Variants in SNAPC1 observed in about 807,000 individuals in gnomAD.
SNAPC1 encodes the protein snRNA-activating protein complex subunit 1.
In SNAPC1, 42 loss-of-function variants were observed where a neutral mutation model predicts 50.1. The ratio of observed to expected loss-of-function variants is 0.84; its 90% CI spans 0.65 to 1.08. The LOEUF (loss-of-function observed/expected upper bound fraction) is 1.08, where lower values mean the gene tolerates loss of function less well. Ranked by LOEUF, SNAPC1 falls within the 50% of genes least tolerant of loss-of-function variation. The pLI, the probability that SNAPC1 is intolerant of heterozygous loss-of-function variation, is 0.00. For synonymous variants in SNAPC1, 164 were observed against 144.2 expected (o/e 1.14, Z -0.98); for missense variants, 477 against 427.3 (o/e 1.12, Z -1.02).
intron 3 of SNAPC1, 111 bp from the exon 4 acceptor site, chr14:61,768,525 G>A (rs2044965134): frequency 1.7e-6 from 1 of 595,048 alleles, no homozygotes; most frequent in African/African-American, 1.9e-5. Flanking sequence ...AGCTGGTTTT[G>A]TTTTATCTGT....
At chr14:61,788,639 ATTATT>A (rs2045131245) in intron 8 of SNAPC1, among the ~76,000 whole-genome samples, 1 of 152,190 alleles carries the variant, frequency 6.6e-6, no homozygotes, top group Non-Finnish European at 1.5e-5. Flanking sequence ...TGATTTTTAT[ATTATT>A]TGATAAAGAT....
chr14:61,791,111 A>G (rs1412186662), intron 8 of SNAPC1, among the ~76,000 whole-genome samples: 4 of 152,138 alleles, frequency 2.6e-5, no homozygotes, highest in Non-Finnish European at 5.9e-5. Flanking sequence ...TCCTGGGTTC[A>G]AGCAATTCTC....
chr14:61,790,399 G>A (rs1408917200), intron 8 of SNAPC1, among the ~76,000 whole-genome samples: 2 of 152,056 alleles, frequency 1.3e-5, no homozygotes, highest in African/African-American at 4.8e-5. Flanking sequence ...GCAGTGGCAC[G>A]ATCTCGGCTC....
In SNAPC1 at chr14:61,778,065, C is replaced by G; in HGVS notation, c.694-7C>G. ...TATGTGTGTATGTATCTTTTTTGCT[C>G]TTTTAGAATCCATCCTTAAAGTCAA... On this transcript the variant is annotated splice_polypyrimidine_tract_variant and splice_region_variant and intron_variant, in intron 5 of 9. Transcript: ENST00000216294. The G allele has an allele frequency of 1.3e-6, 2 of 1,532,824 alleles. No individual in the cohort carries two copies. Among genetic ancestry groups the G allele is most frequent in the Non-Finnish European group, 1.8e-6 (2 of 1,119,284 alleles). The allele number at this position is 1,532,824 out of a possible 1,614,324, so 95.0% of individuals were successfully genotyped here.
chr14:61,780,136 G>C (rs905411633), intron 7 of SNAPC1, among the ~76,000 whole-genome samples: 2 of 152,176 alleles, frequency 1.3e-5, no homozygotes, highest in African/African-American at 4.8e-5. Flanking sequence ...GTTATTTAGA[G>C]AGCAATCTTT....
intron 1 of SNAPC1, among the ~76,000 whole-genome samples, chr14:61,762,871 A>G (rs558257403): frequency 1.3e-5 from 2 of 151,428 alleles, no homozygotes; most frequent in East Asian, 2.0e-4. Flanking sequence ...CCAGGCCACT[A>G]TCATTTGCCC....
In SNAPC1 at chr14:61,762,425, C is replaced by CGT; in HGVS notation, c.-34_-33dup. ...CCACCGCTGGCTAGTCCGTTAGAGG[C>CGT]GTGCGGGCTTCGGAGGCGTGCGGGC... On this transcript the variant is annotated 5_prime_UTR_variant, in exon 1 of 10. Coordinates refer to ENST00000216294, the MANE Select transcript of SNAPC1 (RefSeq NM_003082.4). 6.2e-7 allele frequency: 1 copy of CGT among 1,604,146 alleles called. No homozygotes were observed. The highest frequency in any genetic ancestry group is 8.5e-7 in the Non-Finnish European group (1 of 1,177,284).
At chr14:61,791,234 A>G (rs139998146) in intron 8 of SNAPC1, among the ~76,000 whole-genome samples, 6,099 of 151,558 alleles carry the variant, frequency 0.04, 126 homozygotes, top group Middle Eastern at 0.068. Context: ...CTGGTCTCGA[A>G]CTCCTGACCT....
chr14:61,784,548 C>T (rs995881741), intron 8 of SNAPC1, among the ~76,000 whole-genome samples: 1 of 152,018 alleles, frequency 6.6e-6, no homozygotes, highest in Non-Finnish European at 1.5e-5. Flanking sequence ...TTTTGTGAGC[C>T]GTGTTTCTGT....
intron 1 of SNAPC1, among the ~76,000 whole-genome samples, chr14:61,764,074 A>G (rs1196762446): frequency 6.6e-6 from 1 of 152,118 alleles, no homozygotes; most frequent in Non-Finnish European, 1.5e-5. Flanking sequence ...AGCTGGGACT[A>G]CGGCTTGTGC....
chr14:61,785,096 A>G (rs1375708861), intron 8 of SNAPC1, among the ~76,000 whole-genome samples: 1 of 152,182 alleles, frequency 6.6e-6, no homozygotes, highest in African/African-American at 2.4e-5. Context: ...AAATGAATAA[A>G]TTTATTAAGA....
chr14:61,782,879 A>G (rs888076924), intron 8 of SNAPC1, among the ~76,000 whole-genome samples: 7 of 152,160 alleles, frequency 4.6e-5, no homozygotes, highest in African/African-American at 1.7e-4. Flanking sequence ...TCACTCCAGC[A>G]TAGGTGACAG....
At chr14:61,770,777 C>A (rs1006509702) in intron 4 of SNAPC1, among the ~76,000 whole-genome samples, 2 of 151,900 alleles carry the variant, frequency 1.3e-5, no homozygotes, top group African/African-American at 4.8e-5. Flanking sequence ...CTCTGTAGCC[C>A]AAGTTGGAGT....
At chr14:61,783,189 AT>A (rs200748873) in intron 8 of SNAPC1, among the ~76,000 whole-genome samples, 3 of 149,644 alleles carry the variant, frequency 2.0e-5, no homozygotes, top group East Asian at 2.0e-4. Flanking sequence ...TACCCAGCTA[AT>A]TTTTTTTTGT....
intron 9 of SNAPC1, among the ~76,000 whole-genome samples, chr14:61,794,004 T>C (rs2045171011): frequency 6.6e-6 from 1 of 152,136 alleles, no homozygotes; most frequent in African/African-American, 2.4e-5. Context: ...GTTTTTGTGT[T>C]TTCTATTACT....
chr14:61,769,786 G>A (rs2044974861), intron 4 of SNAPC1, among the ~76,000 whole-genome samples: 1 of 152,160 alleles, frequency 6.6e-6, no homozygotes. Flanking sequence ...TTGTTTGAGT[G>A]TACAGTATTG....
chr14:61,775,794 A>G (rs1386977281), intron 4 of SNAPC1, among the ~76,000 whole-genome samples: 1 of 152,216 alleles, frequency 6.6e-6, no homozygotes, highest in Non-Finnish European at 1.5e-5. Context: ...GTGATATTCT[A>G]GAATGGAATT....
At position 61,762,547 on chromosome 14, in the gene SNAPC1, C is replaced by T; in HGVS notation, c.87C>T (p.Phe29=). The change falls in exon 1 of 10, where the codon TTC becomes TTT. Residue 29 remains phenylalanine, a synonymous_variant. Coordinates refer to ENST00000216294, the MANE Select transcript of SNAPC1 (RefSeq NM_003082.4). Reference sequence around the variant, plus strand: ...CGGACAGTGTACGCTTCGAGGACTTCACGGAGCTCTGGAGAAACATGAAGT... The same window carrying T: ...CGGACAGTGTACGCTTCGAGGACTTTACGGAGCTCTGGAGAAACATGAAGT... The part of the protein sequence containing the change: ...QETDSVRFED[F]TELWRNMKFG... 6.6e-7 allele frequency: 1 copy of T among 1,512,290 alleles called. No individual in the cohort carries two copies. The highest frequency in any genetic ancestry group is 8.8e-7 in the Non-Finnish European group (1 of 1,136,084). 93.7% of individuals were successfully genotyped at this position (1,512,290 alleles called of 1,614,324 possible). A position where few individuals can be genotyped will look rare whatever the true frequency, so the allele number is the denominator to read the frequency against.
At chr14:61,792,667 C>T (rs745395147) in intron 8 of SNAPC1, 140 bp from the exon 9 acceptor site, 8 of 435,384 alleles carry the variant, frequency 1.8e-5, no homozygotes, top group Admixed American at 4.3e-5. Context: ...TTCTAGAATG[C>T]GTATTTCTGT....
Sources: allele counts gnomAD v4.1 joint callset (sites outside exome capture counted in the v4.1 genomes callset), GRCh38; gene constraint gnomAD v4.1.1; transcripts MANE v1.5; gene names NCBI Gene and HGNC (gene_info 2026-07-23, HGNC 2026-07-21).